Variants in GNAQ observed in about 807,000 individuals in gnomAD.
GNAQ encodes guanine nucleotide-binding protein G(q) subunit alpha.
A neutral mutation model predicts 43.9 loss-of-function variants in GNAQ; 8 were observed. That is an observed-to-expected ratio of 0.18 (90% CI 0.11 to 0.33). GNAQ has a LOEUF of 0.33. Ranked by LOEUF, GNAQ falls within the 10% of genes least tolerant of loss-of-function variation. GNAQ has a pLI of 1.00. For missense variants in GNAQ, 158 were observed against 450.8 expected (o/e 0.35, Z 5.88); for synonymous variants, 155 against 170.7 (o/e 0.91, Z 0.71).
chr9:77,756,151 G>T (rs1042477501), intron 5 of GNAQ, among the ~76,000 whole-genome samples: 26 of 152,206 alleles, frequency 1.7e-4, no homozygotes, highest in Non-Finnish European at 8.8e-5. Context: ...AACTCGGACT[G>T]GCTTCCTTGC....
At chr9:77,936,788 T>A (rs555058962) in intron 1 of GNAQ, among the ~76,000 whole-genome samples, 1 of 152,158 alleles carries the variant, frequency 6.6e-6, no homozygotes, top group African/African-American at 2.4e-5. Flanking sequence ...CCTAGAATGA[T>A]TCCTTTCTTG....
chr9:77,793,108 C>A (rs1391916229), intron 5 of GNAQ, among the ~76,000 whole-genome samples: 1 of 151,946 alleles, frequency 6.6e-6, no homozygotes, highest in Non-Finnish European at 1.5e-5. Context: ...AATACTACAT[C>A]CAGGGATTAT....
chr9:77,833,905 T>A (rs1214032044), intron 2 of GNAQ, among the ~76,000 whole-genome samples: 1 of 152,192 alleles, frequency 6.6e-6, no homozygotes. Context: ...TCTTCCAACA[T>A]GTAGGCAAAG....
In GNAQ at chr9:77,847,386, C is replaced by T. The variant is rs538043169; in HGVS notation, c.322-31616G>A. On this transcript the variant is annotated intron_variant, in intron 2 of 6. Coordinates refer to ENST00000286548, the MANE Select transcript of GNAQ (RefSeq NM_002072.5). ...TGCTATTCAGTGTGCCTTCCTGTTG[C>T]CAGTGCCACGAAAAACACGATGGGA... Among the ~76,000 whole-genome samples, 6 of 152,300 alleles carry T rather than the reference C, an allele frequency of 3.9e-5. No homozygotes were observed. The South Asian group carries it at 6.2e-4, about 16-fold the overall frequency.
chr9:77,870,880 T>C (rs1165746312), intron 2 of GNAQ, among the ~76,000 whole-genome samples: 2 of 151,718 alleles, frequency 1.3e-5, no homozygotes, highest in Non-Finnish European at 2.9e-5. Flanking sequence ...TGATAGATAC[T>C]ATGAGATTCC....
chr9:77,741,132 G>A (rs1342729985), intron 5 of GNAQ, among the ~76,000 whole-genome samples: 1 of 152,194 alleles, frequency 6.6e-6, no homozygotes, highest in Non-Finnish European at 1.5e-5. Flanking sequence ...ATAACAGACA[G>A]TGGGCTGGAT....
chr9:77,920,520 C>G (rs1033255282), intron 2 of GNAQ, among the ~76,000 whole-genome samples: 1 of 152,128 alleles, frequency 6.6e-6, no homozygotes, highest in Non-Finnish European at 1.5e-5. Flanking sequence ...AACAAACAAA[C>G]TCAACACAAT....
At chr9:78,030,458 C>T in intron 1 of GNAQ, 5 of 465,462 alleles carry the variant, frequency 1.1e-5, no homozygotes, top group South Asian at 7.9e-5. Flanking sequence ...TGCCCTCCCG[C>T]CTCGCCCCCA....
intron 1 of GNAQ, among the ~76,000 whole-genome samples, chr9:77,986,461 G>A (rs1030393413): frequency 2.0e-5 from 3 of 152,096 alleles, no homozygotes; most frequent in African/African-American, 7.2e-5. Context: ...GGTCTACCCT[G>A]GCTCCTCCTA....
At chr9:77,888,497 T>C (rs1204104631) in intron 2 of GNAQ, among the ~76,000 whole-genome samples, 2 of 152,210 alleles carry the variant, frequency 1.3e-5, no homozygotes, top group Non-Finnish European at 2.9e-5. Flanking sequence ...AGGAGAAAAG[T>C]GGCTTGCTAT....
chr9:78,006,512 T>C (rs1202052395), intron 1 of GNAQ, among the ~76,000 whole-genome samples: 3 of 152,182 alleles, frequency 2.0e-5, no homozygotes, highest in African/African-American at 7.2e-5. Context: ...TAATTGGTAC[T>C]ACCAAAAAAA....
At position 77,717,012 on chromosome 9, in the gene GNAQ, T is replaced by C. The variant is rs1825236062; in HGVS notation, c.*4311A>G. The C allele has an allele frequency of 4.3e-6, 1 of 232,700 alleles. No individual in the cohort carries two copies. The highest frequency in any genetic ancestry group is 6.1e-5 in the East Asian group (1 of 16,484). 14.4% of individuals were successfully genotyped at this position (232,700 alleles called of 1,614,324 possible). On this transcript the variant is annotated 3_prime_UTR_variant, in exon 7 of 7. Transcript: ENST00000286548. ...ACTAAGTTATCTACTAAACAGCAGG[T>C]GTCTGGCTCCAAAAATCTCTAGCTA...
chr9:77,857,362 A>T (rs563276870), intron 2 of GNAQ, among the ~76,000 whole-genome samples: 1 of 152,296 alleles, frequency 6.6e-6, no homozygotes, highest in African/African-American at 2.4e-5. Flanking sequence ...TACCATTTTT[A>T]ACATTACACT....
intron 2 of GNAQ, among the ~76,000 whole-genome samples, chr9:77,883,747 T>A (rs1207935091): frequency 6.6e-6 from 1 of 151,674 alleles, no homozygotes; most frequent in African/African-American, 2.4e-5. Context: ...ACAATCAGAG[T>A]TTTTGGTCTC....
Position 77,914,129 on chromosome 9 carries a change from G to C in GNAQ, c.321+8032C>G, listed in dbSNP as rs1828856030. On this transcript the variant is annotated intron_variant, in intron 2 of 6. Coordinates refer to ENST00000286548, the MANE Select transcript of GNAQ (RefSeq NM_002072.5). ...CCGTCATGGGTATAAAATGAATAAA[G>C]AACTGCAAAGATAAAGGGAGGAGAA... Among the ~76,000 whole-genome samples, 3 of 152,066 alleles carry C rather than the reference G, an allele frequency of 2.0e-5. No individual in the cohort carries two copies. In the South Asian group the frequency reaches 6.2e-4, roughly 32 times the overall value.
chr9:77,944,619 A>T (rs1171892774), intron 1 of GNAQ, among the ~76,000 whole-genome samples: 2 of 152,156 alleles, frequency 1.3e-5, no homozygotes, highest in East Asian at 3.9e-4. Context: ...CATTTCTTCC[A>T]CTGAGGCATT....
intron 1 of GNAQ, among the ~76,000 whole-genome samples, chr9:77,950,894 C>A (rs893798252): frequency 6.6e-6 from 1 of 151,860 alleles, no homozygotes; most frequent in Admixed American, 6.6e-5. Flanking sequence ...TGCGGAGCTG[C>A]TAAAAATACT....
intron 2 of GNAQ, among the ~76,000 whole-genome samples, chr9:77,816,624 C>T (rs1458587243): frequency 2.0e-5 from 3 of 151,440 alleles, no homozygotes; most frequent in East Asian, 1.9e-4. Flanking sequence ...TATATATATA[C>T]ACACACAAAG....
At chr9:77,987,491 T>C (rs1823455617) in intron 1 of GNAQ, among the ~76,000 whole-genome samples, 1 of 152,208 alleles carries the variant, frequency 6.6e-6, no homozygotes, top group Admixed American at 6.5e-5. Flanking sequence ...AATAGAAGCA[T>C]CTAAATGGTT....
Sources: allele counts gnomAD v4.1 joint callset (sites outside exome capture counted in the v4.1 genomes callset), GRCh38; gene constraint gnomAD v4.1.1; transcripts MANE v1.5; gene names NCBI Gene and HGNC (gene_info 2026-07-23, HGNC 2026-07-21).